CHRM3: variants seen among roughly 807,000 people sequenced by gnomAD.
CHRM3 encodes muscarinic acetylcholine receptor M3.
Under a neutral mutation model 41.8 loss-of-function variants are expected in CHRM3, and 11 were observed. The ratio of observed to expected loss-of-function variants is 0.26; its 90% CI spans 0.17 to 0.44. CHRM3 has a LOEUF of 0.44. Ranked by LOEUF, CHRM3 falls within the 20% of genes least tolerant of loss-of-function variation. CHRM3 has a pLI of 1.00. For synonymous variants in CHRM3, 297 were observed against 301.4 expected (o/e 0.99, Z 0.15); for missense variants, 571 against 745.4 (o/e 0.77, Z 2.72).
intron 5 of CHRM3, among the ~76,000 whole-genome samples, chr1:239,744,092 G>A (rs1665129947): frequency 6.6e-6 from 1 of 151,260 alleles, no homozygotes; most frequent in Non-Finnish European, 1.5e-5. Context: ...TTATAGGTAT[G>A]AGCCACTGTG....
chr1:239,487,114 G>C (rs1051227723), intron 1 of CHRM3, among the ~76,000 whole-genome samples: 3 of 152,070 alleles, frequency 2.0e-5, no homozygotes, highest in African/African-American at 7.2e-5. Context: ...ACTCGATATA[G>C]AAAAGTATAG....
intron 3 of CHRM3, among the ~76,000 whole-genome samples, chr1:239,584,449 A>T (rs1017137518): frequency 6.6e-6 from 1 of 152,206 alleles, no homozygotes; most frequent in African/African-American, 2.4e-5. Flanking sequence ...GAAAACAAAG[A>T]TACAACTGAT....
At chr1:239,637,379 C>T (rs1455620403) in intron 4 of CHRM3, among the ~76,000 whole-genome samples, 1 of 152,000 alleles carries the variant, frequency 6.6e-6, no homozygotes, top group Non-Finnish European at 1.5e-5. Flanking sequence ...TGATGAAGAT[C>T]ATTGTTAATA....
intron 1 of CHRM3, among the ~76,000 whole-genome samples, chr1:239,397,479 T>C (rs1558189526): frequency 6.6e-6 from 1 of 151,900 alleles, no homozygotes; most frequent in Non-Finnish European, 1.5e-5. Context: ...GAGACCATCC[T>C]GGCTAACACA....
chr1:239,652,649 A>T (rs78080345), intron 4 of CHRM3, among the ~76,000 whole-genome samples: 1,952 of 151,936 alleles, frequency 0.013, 57 homozygotes, highest in African/African-American at 0.046. Flanking sequence ...AGGAAAAAAA[A>T]AAGATTTAAC....
intron 5 of CHRM3, among the ~76,000 whole-genome samples, chr1:239,766,045 A>T (rs961040149): frequency 1.3e-5 from 2 of 152,160 alleles, no homozygotes; most frequent in Middle Eastern, 3.4e-3. Context: ...AACTCCTGAC[A>T]TCAGGTGATC....
chr1:239,775,914 G>A (rs1157268826), intron 5 of CHRM3, among the ~76,000 whole-genome samples: 1 of 152,308 alleles, frequency 6.6e-6, no homozygotes, highest in Admixed American at 6.5e-5. Context: ...GAATTTCTGG[G>A]AAAGATTGAT....
At chr1:239,734,674 T>C (rs1241277962) in intron 5 of CHRM3, among the ~76,000 whole-genome samples, 1 of 152,106 alleles carries the variant, frequency 6.6e-6, no homozygotes, top group African/African-American at 2.4e-5. Context: ...TAAGTGCGCA[T>C]TGAGAATTTT....
chr1:239,450,513 G>A (rs146203898), intron 1 of CHRM3, among the ~76,000 whole-genome samples: 97 of 152,254 alleles, frequency 6.4e-4, no homozygotes, highest in African/African-American at 2.1e-3. Flanking sequence ...CATCCCAGAT[G>A]TATAGCATAA....
chr1:239,765,818 CTTT>C (rs1340202928), intron 5 of CHRM3, among the ~76,000 whole-genome samples: 3 of 140,288 alleles, frequency 2.1e-5, no homozygotes, highest in Admixed American at 7.1e-5. Context: ...TCTTTTTTAT[CTTT>C]TTTTTTTTTT....
At chr1:239,682,402 T>C (rs1243433597) in intron 5 of CHRM3, among the ~76,000 whole-genome samples, 1 of 152,190 alleles carries the variant, frequency 6.6e-6, no homozygotes, top group African/African-American at 2.4e-5. Flanking sequence ...TTCTTCTAAA[T>C]TCCTTATATT....
At chr1:239,478,298 T>C (rs907479304) in intron 1 of CHRM3, among the ~76,000 whole-genome samples, 7 of 152,180 alleles carry the variant, frequency 4.6e-5, no homozygotes, top group Non-Finnish European at 1.0e-4. Context: ...AGTGTACTCA[T>C]TTCTGGGAGA....
intron 4 of CHRM3, among the ~76,000 whole-genome samples, chr1:239,663,099 C>A (rs966332217): frequency 1.3e-5 from 2 of 151,736 alleles, no homozygotes; most frequent in African/African-American, 4.8e-5. Context: ...AGGTCTCAGT[C>A]AGTCGGGGCT....
chr1:239,697,014 A>T (rs772464535), intron 5 of CHRM3, among the ~76,000 whole-genome samples: 54 of 152,360 alleles, frequency 3.5e-4, no homozygotes, highest in South Asian at 6.2e-4. Flanking sequence ...GAATAACTAT[A>T]GTAAGCACAG....
intron 6 of CHRM3, among the ~76,000 whole-genome samples, chr1:239,835,211 C>G (rs1673212482): frequency 6.6e-6 from 1 of 152,186 alleles, no homozygotes; most frequent in African/African-American, 2.4e-5. Flanking sequence ...GGAAACTGGG[C>G]AGATCTTCAG....
chr1:239,666,900 T>C (rs1011820386), intron 4 of CHRM3, among the ~76,000 whole-genome samples: 27 of 152,166 alleles, frequency 1.8e-4, no homozygotes, highest in African/African-American at 6.5e-4. Flanking sequence ...TAGCTCCCAC[T>C]TACAGGGAGA....
intron 3 of CHRM3, among the ~76,000 whole-genome samples, chr1:239,595,608 A>G (rs1397746709): frequency 6.6e-6 from 1 of 152,118 alleles, no homozygotes; most frequent in Non-Finnish European, 1.5e-5. Context: ...CAATTATCCA[A>G]TTTGCCAAGC....
At chr1:239,684,979 A>G (rs1658995704) in intron 5 of CHRM3, among the ~76,000 whole-genome samples, 2 of 152,026 alleles carry the variant, frequency 1.3e-5, no homozygotes, top group African/African-American at 2.4e-5. Context: ...CAAAAATAAA[A>G]TCAGCAGAAA....
chr1:239,859,152 A>G (rs1315488878), intron 6 of CHRM3, among the ~76,000 whole-genome samples: 2 of 152,248 alleles, frequency 1.3e-5, no homozygotes, highest in Non-Finnish European at 2.9e-5. Context: ...ACGTTTAACC[A>G]TTAAAATAAT....
Sources: allele counts gnomAD v4.1 joint callset (sites outside exome capture counted in the v4.1 genomes callset), GRCh38; gene constraint gnomAD v4.1.1; transcripts MANE v1.5; gene names NCBI Gene and HGNC (gene_info 2026-07-23, HGNC 2026-07-21).